The following RAB36 variants were observed in gnomAD, a reference collection of about 807,000 sequenced individuals.
RAB36 encodes the protein ras-related protein Rab-36.
RAB36 carries 33 observed loss-of-function variants against 39.3 expected under a neutral mutation model. The ratio of observed to expected loss-of-function variants is 0.84; its 90% confidence interval spans 0.64 to 1.12. The LOEUF (loss-of-function observed/expected upper bound fraction) is 1.12, where lower values mean the gene tolerates loss of function less well. Ranked by LOEUF, RAB36 falls within the 50% of genes most tolerant of loss-of-function variation. RAB36 has a pLI of 0.00. For missense variants in RAB36, 308 were observed against 355.3 expected (o/e 0.87, Z 1.07); for synonymous variants, 133 against 140.2 (o/e 0.95, Z 0.36).
At chr22:23,165,857 T>C (rs1378839928), downstream of RAB36, among the ~76,000 whole-genome samples, 1 of 152,074 alleles carries the variant, frequency 6.6e-6, no homozygotes, top group Non-Finnish European at 1.5e-5. Context: ...TAAAAAGGAC[T>C]GTTTCCAGGC....
rs1469745988 is a variant in RAB36 at position 23,160,988 on chromosome 22, A to G, written c.729A>G (p.Gly243=). ...GTGCCCGGCTCCAGGTCGGCAATGG[A>G]GACCTAATCCGTGAGTATAGGTGTG... ...QSSARLQVGN[G]DLIQMEGSPP... The change falls in exon 10 of 11, where the codon GGA becomes GGG. Residue 243 remains glycine (G), a synonymous_variant. Coordinates refer to ENST00000263116, the MANE Select transcript of RAB36 (RefSeq NM_004914.5). 6.2e-7 allele frequency: 1 copy of G among 1,610,716 alleles called. No homozygotes were observed.
intron 3 of RAB36, 45 bp from the exon 4 acceptor site, chr22:23,152,416 C>T (rs1389180257): frequency 1.2e-6 from 2 of 1,603,674 alleles, no homozygotes; most frequent in African/African-American, 1.3e-5. Flanking sequence ...TCTGAAGACA[C>T]CCTGGAAGGC....
At position 23,162,933 on chromosome 22, in the gene RAB36, T is replaced by TG; in HGVS notation, c.*1371dup. The stretch of plus-strand genomic sequence containing the variant: ...AAATGACTTTTTTTTTTTTTTGAGA[T>TG]GGAGTTTCACCCTTGTTGCCCAGGC... On this transcript the variant is annotated 3_prime_UTR_variant, in exon 11 of 11. Transcript: ENST00000263116. 2.9e-6 allele frequency: 1 copy of TG among 343,684 alleles called. No homozygotes were observed. The highest frequency in any genetic ancestry group is 5.7e-6 in the Non-Finnish European group (1 of 175,328). 21.3% of individuals were successfully genotyped at this position (343,684 alleles called of 1,614,324 possible).
In RAB36 at chr22:23,159,201, G is replaced by A. The variant is rs755313424; in HGVS notation, c.567G>A (p.Val189=). The A allele has an allele frequency of 6.2e-7, 1 of 1,610,156 alleles. No homozygotes were observed. The highest frequency in any genetic ancestry group is 8.5e-7 in the Non-Finnish European group (1 of 1,178,594). Residue 189 remains valine (V), a synonymous_variant, in exon 9 of 11, where the codon GTG becomes GTA. Transcript: ENST00000263116. ...GTGAGCAGGCCGAAGCAGACGCTGT[G>A]CACCTGGCCAGGGAGATGCAGGCCG... ...AACEQAEADA[V]HLAREMQAEY... is the part of the protein sequence containing the mutation.
intron 9 of RAB36, among the ~76,000 whole-genome samples, chr22:23,160,049 G>A (rs965955028): frequency 6.6e-6 from 1 of 152,204 alleles, no homozygotes; most frequent in African/African-American, 2.4e-5. Context: ...CGCAGGGCCT[G>A]GCACATAATA....
rs536299716 is a variant in RAB36, at chr22:23,146,652, G to A, written c.36G>A (p.Val12=). The A allele has an allele frequency of 4.1e-5, 66 of 1,614,070 alleles. 1 individual carries two copies. In the South Asian group the frequency reaches 7.2e-4, roughly 18 times the overall value. The change falls in exon 2 of 11, where the codon GTG becomes GTA. Residue 12 remains valine (V), a synonymous_variant. Coordinates refer to ENST00000263116, the MANE Select transcript of RAB36 (RefSeq NM_004914.5). ...RSSLTPLGPP[V]SRDRVIASFP... ...CCCTGACACCTTTGGGGCCCCCTGTGAGCCGCGACCGTGTCATCGCCAGCT... is the reference window on the plus strand; with the variant it reads ...CCCTGACACCTTTGGGGCCCCCTGTAAGCCGCGACCGTGTCATCGCCAGCT...
At chr22:23,160,536 C>T (rs1601947146) in intron 9 of RAB36, among the ~76,000 whole-genome samples, 1 of 152,200 alleles carries the variant, frequency 6.6e-6, no homozygotes, top group South Asian at 2.1e-4. Context: ...GTCCTGAGTT[C>T]CACATCTTCC....
At position 23,162,782 on chromosome 22, in the gene RAB36, G is replaced by A. The variant is rs375130209; in HGVS notation, c.*1218G>A. 326 of 456,060 alleles carry A rather than the reference G, an allele frequency of 7.1e-4. 2 individuals are homozygous for A. The highest frequency in any genetic ancestry group is 6.1e-3 in the African/African-American group (304 of 50,192). 28.3% of individuals were successfully genotyped at this position (456,060 alleles called of 1,614,324 possible). On this transcript the variant is annotated 3_prime_UTR_variant, in exon 11 of 11. Coordinates refer to ENST00000263116, the MANE Select transcript of RAB36 (RefSeq NM_004914.5). ...TTCTGATCAGTACTGCTCTCCTAGG[G>A]CCTGGCACACTGCAGCTGCCCTGTA...
At chr22:23,145,464 C>G (rs772961857), upstream of RAB36, 3 of 1,610,034 alleles carry the variant, frequency 1.9e-6, no homozygotes, top group Admixed American at 1.7e-5. Context: ...CCCGCAGGTC[C>G]CGCGTGGCTC....
Position 23,153,149 on chromosome 22 carries a change from C to A in RAB36, c.329+15C>A, listed in dbSNP as rs767996406. The A allele has an allele frequency of 2.5e-6, 4 of 1,600,850 alleles. No homozygotes were observed. Among genetic ancestry groups the A allele is most frequent in the Admixed American group, 1.7e-5 (1 of 59,946 alleles). On this transcript the variant is annotated intron_variant, in intron 5 of 10. Transcript: ENST00000263116. Reference sequence around the variant, plus strand: ...AGCCTCCAGATGTAAGTTGCTGGTTCCCCCATGGCTCGTGGGCAGCTTCCT... The same window carrying A: ...AGCCTCCAGATGTAAGTTGCTGGTTACCCCATGGCTCGTGGGCAGCTTCCT...
intron 2 of RAB36, among the ~76,000 whole-genome samples, chr22:23,149,630 T>A (rs1231294187): frequency 1.3e-5 from 2 of 152,178 alleles, no homozygotes; most frequent in Non-Finnish European, 2.9e-5. Flanking sequence ...CTCTGTCTCT[T>A]GAGCTGAAGC....
At chr22:23,158,845 T>G in intron 7 of RAB36, 53 bp from the exon 8 acceptor site, 1 of 1,525,268 alleles carries the variant, frequency 6.6e-7, no homozygotes, top group Non-Finnish European at 9.1e-7. Context: ...CTCTGCCCCC[T>G]GTTTGGGGTG....
chr22:23,153,242 C>T, intron 5 of RAB36, 108 bp downstream of exon 5: 2 of 834,504 alleles, frequency 2.4e-6, no homozygotes, highest in South Asian at 1.5e-5. Context: ...CTAGTCTAGA[C>T]AAGCAGAGCC....
At chr22:23,166,147 T>TAAAAAAA (rs695297), downstream of RAB36, among the ~76,000 whole-genome samples, 40 of 59,886 alleles carry the variant, frequency 6.7e-4, no homozygotes, top group African/African-American at 2.7e-3. Flanking sequence ...CTCTGTCTTT[T>TAAAAAAA]AAAAAAAAAA....
At chr22:23,156,145 G>GAGAAA (rs56254210) in intron 6 of RAB36, 113 bp downstream of exon 6, 1 of 882,768 alleles carries the variant, frequency 1.1e-6, no homozygotes, top group Non-Finnish European at 1.7e-6. Flanking sequence ...TGTCCTCCAA[G>GAGAAA]ACCCACTGAG....
intron 1 of RAB36, 82 bp from the exon 2 acceptor site, chr22:23,146,523 A>G: frequency 6.5e-7 from 1 of 1,545,156 alleles, no homozygotes; most frequent in South Asian, 1.2e-5. Flanking sequence ...GGATCTGATG[A>G]AAAGTTAGGT....
At chr22:23,153,670 C>T in intron 5 of RAB36, 5 of 929,734 alleles carry the variant, frequency 5.4e-6, no homozygotes, top group Non-Finnish European at 6.4e-6. Flanking sequence ...TCTCCCCAGC[C>T]TCACTTTCCT....
chr22:23,158,055 C>T lies in RAB36; in HGVS notation c.446+12C>T, dbSNP rs2071559849. ...CTGGAGCATACCAGGTAAGTCTGGG[C>T]TCTCTGGCCCCTGCAGTCTCCCTGG... On this transcript the variant is annotated intron_variant, in intron 7 of 10. Coordinates refer to ENST00000263116, the MANE Select transcript of RAB36 (RefSeq NM_004914.5). 6.2e-7 allele frequency: 1 copy of T among 1,613,882 alleles called. No homozygotes were observed.
At chr22:23,152,969 A>G (rs1229366019) in intron 4 of RAB36, 64 bp from the exon 5 acceptor site, 7 of 1,176,002 alleles carry the variant, frequency 6.0e-6, no homozygotes, top group Non-Finnish European at 7.6e-6. Flanking sequence ...GCAGTGTTAC[A>G]AGTGAAGCTT....
Sources: allele counts gnomAD v4.1 joint callset (sites outside exome capture counted in the v4.1 genomes callset), GRCh38; gene constraint gnomAD v4.1.1; transcripts MANE v1.5; gene names NCBI Gene and HGNC (gene_info 2026-07-23, HGNC 2026-07-21).